TAMALIN: variants seen among roughly 807,000 people sequenced by gnomAD.
TAMALIN encodes the protein trafficking regulator and scaffold protein tamalin, also known as protein TAMALIN.
TAMALIN carries 9 observed loss-of-function variants against 38.5 expected under a neutral mutation model. The observed-to-expected ratio is 0.23, with a 90% CI of 0.14 to 0.41. TAMALIN has a LOEUF of 0.41. Among genes scored for constraint, TAMALIN ranks in the 10% least tolerant of loss-of-function variants. The probability of loss-of-function intolerance (pLI) is 1.00; values close to 1 mark genes in which losing one functional copy is unlikely to be tolerated. For missense variants in TAMALIN, 548 were observed against 554.1 expected (o/e 0.99, Z 0.11); for synonymous variants, 306 against 256.5 (o/e 1.19, Z -1.85).
chr12:52,015,124 C>A lies in TAMALIN; in HGVS notation c.1113C>A (p.Arg371=), dbSNP rs745411845. 6.3e-7 allele frequency: 1 copy of A among 1,588,746 alleles called. No homozygotes were observed. The highest frequency in any genetic ancestry group is 2.3e-5 in the East Asian group (1 of 44,396). Residue 371 remains arginine, a synonymous_variant, in exon 8 of 8, where the codon CGC becomes CGA. Transcript: ENST00000293662. ...CGPGLRKTKY[R]SFRRRLLKFI... ...CCGGCCTGCGCAAAACCAAGTACCG[C>A]AGCTTCCGCCGGCGGCTGCTCAAGT... is the stretch of plus-strand genomic sequence containing the variant.
In TAMALIN at chr12:52,008,851, A is replaced by G. The variant is rs55863539; in HGVS notation, c.247-339A>G. 9.3e-3 allele frequency: 6,560 copies of G among 706,274 alleles called. 46 individuals are homozygous for G. Among genetic ancestry groups the G allele is most frequent in the Non-Finnish European group, 0.011 (6,048 of 574,850 alleles). The allele number at this position is 706,274 out of a possible 1,614,324, so 43.8% of individuals were successfully genotyped here. A position where few individuals can be genotyped will look rare whatever the true frequency, so the allele number is the denominator to read the frequency against. On this transcript the variant is annotated intron_variant, in intron 1 of 7. Transcript: ENST00000293662. Reference sequence around the variant, plus strand: ...GTCTGGATGGCCTGAGCCTCTACAGACATGGGCCCTAGGGGTGGAGACCAT... The same window carrying G: ...GTCTGGATGGCCTGAGCCTCTACAGGCATGGGCCCTAGGGGTGGAGACCAT...
At chr12:52,008,961 G>A (rs1431210002) in intron 1 of TAMALIN, among the ~76,000 whole-genome samples, 1 of 152,224 alleles carries the variant, frequency 6.6e-6, no homozygotes, top group Admixed American at 6.5e-5. Context: ...CCAGGAGGAT[G>A]GTTGTGTCCC....
At chr12:52,010,812 G>A (rs1299648146) in intron 2 of TAMALIN, 69 bp from the exon 3 acceptor site, 5 of 1,540,936 alleles carry the variant, frequency 3.2e-6, no homozygotes, top group Non-Finnish European at 3.6e-6. Context: ...CCAATATCCA[G>A]GGAGGCCCAA....
intron 1 of TAMALIN, chr12:52,008,673 G>GA: frequency 2.0e-6 from 2 of 985,360 alleles, no homozygotes; most frequent in Middle Eastern, 5.2e-4. Flanking sequence ...CAGGGTCCCT[G>GA]ACCCCAGCCC....
At chr12:52,009,109 G>A (rs1942458425) in intron 1 of TAMALIN, 81 bp from the exon 2 acceptor site, 8 of 1,350,646 alleles carry the variant, frequency 5.9e-6, no homozygotes, top group African/African-American at 2.9e-5. Context: ...GAAGTGGGTC[G>A]CTGTGTCCAG....
intron 1 of TAMALIN, 137 bp from the exon 2 acceptor site, chr12:52,009,053 C>G: frequency 1.2e-6 from 1 of 845,036 alleles, no homozygotes; most frequent in South Asian, 1.5e-5. Context: ...ATAGTTCCAC[C>G]AGCACCAAAA....
Position 52,007,850 on chromosome 12 carries a change from C to T in TAMALIN, c.246+585C>T. The T allele has an allele frequency of 2.0e-6, 2 of 985,424 alleles. No individual in the cohort carries two copies. The highest frequency in any genetic ancestry group is 1.7e-5 in the African/African-American group (1 of 57,374). The allele number at this position is 985,424 out of a possible 1,614,324, so 61.0% of individuals were successfully genotyped here. A position where few individuals can be genotyped will look rare whatever the true frequency, so the allele number is the denominator to read the frequency against. ...GGGCCACTGCTCCCTGGACTTCTGT[C>T]GGAACCGGACGCAGTGGGAGGGGTC... On this transcript the variant is annotated intron_variant, in intron 1 of 7. Coordinates refer to ENST00000293662, the MANE Select transcript of TAMALIN (RefSeq NM_181711.4). The surrounding 1 kb of genome is among the most constrained non-coding windows in gnomAD (Gnocchi z 6.7).
At position 52,014,919 on chromosome 12, in the gene TAMALIN, C is replaced by T; in HGVS notation, c.908C>T (p.Pro303Leu). The T allele has an allele frequency of 1.8e-6, 2 of 1,083,380 alleles. No individual in the cohort carries two copies. Among genetic ancestry groups the T allele is most frequent in the Non-Finnish European group, 2.2e-6 (2 of 890,926 alleles). The allele number at this position is 1,083,380 out of a possible 1,614,324, so 67.1% of individuals were successfully genotyped here. Residue 303 changes from proline (P) to leucine (L), a missense_variant, in exon 8 of 8, where the codon CCC becomes CTC. Physicochemically the swap from Pro to Leu is moderately conservative, Grantham distance 98. Around this residue, in one of 3 missense-constraint regions of TAMALIN, gnomAD observed 415 missense variants for 417.0 expected, o/e 1.00. Transcript: ENST00000293662. ...SEPPALPPPPPPARAFGPGPA... is the reference protein window; with the variant it reads ...SEPPALPPPPLPARAFGPGPA... The stretch of plus-strand genomic sequence containing the variant: ...CCGCCGGCGCTGCCGCCCCCGCCGC[C>T]CCCGGCCCGCGCCTTCGGCCCGGGC...
intron 4 of TAMALIN, among the ~76,000 whole-genome samples, chr12:52,013,314 T>A (rs1937701973): frequency 6.6e-6 from 1 of 151,788 alleles, no homozygotes; most frequent in African/African-American, 2.4e-5. Flanking sequence ...CCTGACCTCG[T>A]GATCCGCCCG....
At chr12:52,008,853 A>G in intron 1 of TAMALIN, 1 of 691,970 alleles carries the variant, frequency 1.4e-6, no homozygotes, top group South Asian at 6.4e-5. Context: ...CTCTACAGAC[A>G]TGGGCCCTAG....
chr12:52,014,002 T>C (rs1937725085), intron 6 of TAMALIN, 59 bp downstream of exon 6: 1 of 1,581,498 alleles, frequency 6.3e-7, no homozygotes, highest in Non-Finnish European at 8.7e-7. Context: ...CTCTGCCCTG[T>C]GGGGGGTCAC....
At chr12:52,012,271 G>A (rs1052949343) in intron 4 of TAMALIN, among the ~76,000 whole-genome samples, 1 of 152,106 alleles carries the variant, frequency 6.6e-6, no homozygotes, top group Non-Finnish European at 1.5e-5. Context: ...CACTTTTTTT[G>A]AGATGGAGTT....
In TAMALIN at chr12:52,015,216, G is replaced by C. The variant is rs776126271; in HGVS notation, c.*17G>C. The C allele has an allele frequency of 5.1e-6, 8 of 1,577,162 alleles. No individual in the cohort carries two copies. In the South Asian group the frequency reaches 8.9e-5, roughly 18 times the overall value. ...CAGCTGTAGGGGCGGGGGCGGGCAGGGAGGTATTTATTTATTTATTCGCAA... is the reference window on the plus strand; with the variant it reads ...CAGCTGTAGGGGCGGGGGCGGGCAGCGAGGTATTTATTTATTTATTCGCAA... On this transcript the variant is annotated 3_prime_UTR_variant, in exon 8 of 8. Transcript: ENST00000293662.
intron 4 of TAMALIN, 135 bp from the exon 5 acceptor site, chr12:52,013,552 G>C: frequency 1.5e-6 from 1 of 683,578 alleles, no homozygotes; most frequent in South Asian, 1.6e-5. Flanking sequence ...AGAGAACCAT[G>C]AGGAGTTGGA....
chr12:52,015,120 A>C lies in TAMALIN; in HGVS notation c.1109A>C (p.Tyr370Ser). The C allele has an allele frequency of 6.3e-7, 1 of 1,584,372 alleles. No individual in the cohort carries two copies. The highest frequency in any genetic ancestry group is 8.5e-7 in the Non-Finnish European group (1 of 1,173,998). ...GGCCCCGGCCTGCGCAAAACCAAGT[A>C]CCGCAGCTTCCGCCGGCGGCTGCTC... ...LCGPGLRKTKYRSFRRRLLKF... is the reference protein window; with the variant it reads ...LCGPGLRKTKSRSFRRRLLKF... Residue 370 changes from tyrosine to serine, a missense_variant, in exon 8 of 8, where the codon TAC becomes TCC. By Grantham distance (144) the Tyr-to-Ser change is moderately radical. Transcript: ENST00000293662.
intron 7 of TAMALIN, 51 bp from the exon 8 acceptor site, chr12:52,014,643 C>A (rs1937742707): frequency 7.4e-7 from 1 of 1,359,568 alleles, no homozygotes; most frequent in African/African-American, 1.5e-5. Flanking sequence ...TTTGCAGAGG[C>A]CACCACGGTC....
intron 4 of TAMALIN, 175 bp from the exon 5 acceptor site, chr12:52,013,512 C>T (rs1565631726): frequency 8.2e-6 from 5 of 608,318 alleles, no homozygotes; most frequent in East Asian, 2.8e-5. Flanking sequence ...GTGTTTGGAT[C>T]GAGTATGAGA....
rs1437720750 is a variant in TAMALIN at position 52,007,937 on chromosome 12, G to C, written c.246+672G>C. 1.0e-6 allele frequency: 1 copy of C among 985,434 alleles called. No homozygotes were observed. Among genetic ancestry groups the C allele is most frequent in the African/African-American group, 1.7e-5 (1 of 57,356 alleles). The allele number at this position is 985,434 out of a possible 1,614,324, so 61.0% of individuals were successfully genotyped here. On this transcript the variant is annotated intron_variant, in intron 1 of 7. Coordinates refer to ENST00000293662, the MANE Select transcript of TAMALIN (RefSeq NM_181711.4). This position sits in a 1 kb window ranked among gnomAD's most constrained non-coding sequence, Gnocchi z 6.7. ...GCCCACCTCTGAGTCCCCTCTGCCA[G>C]CCTCTTCCTCTGGCCCCAGGAGACC...
At chr12:52,008,793 C>T (rs1942454314) in intron 1 of TAMALIN, 1 of 980,922 alleles carries the variant, frequency 1.0e-6, no homozygotes, top group Non-Finnish European at 1.2e-6. Context: ...CTCTGAATCC[C>T]ACTGGGGAAG....
Sources: allele counts gnomAD v4.1 joint callset (sites outside exome capture counted in the v4.1 genomes callset), GRCh38; gene constraint gnomAD v4.1.1; regional missense constraint gnomAD v4.1.1; non-coding constraint Gnocchi (gnomAD v3.1); transcripts MANE v1.5; gene names NCBI Gene and HGNC (gene_info 2026-07-23, HGNC 2026-07-21).